Variants in ADGRB1 observed in about 807,000 individuals in gnomAD.
ADGRB1 encodes the protein brain-specific angiogenesis inhibitor 1.
In ADGRB1, 36 loss-of-function variants were observed where a neutral mutation model predicts 175.7. The ratio of observed to expected loss-of-function variants is 0.20; its 90% CI spans 0.16 to 0.27. The LOEUF (loss-of-function observed/expected upper bound fraction) is 0.27, where lower values mean the gene tolerates loss of function less well. Among genes scored for constraint, ADGRB1 ranks in the 10% least tolerant of loss-of-function variants. The pLI, the probability that ADGRB1 is intolerant of heterozygous loss-of-function variation, is 1.00. For missense variants in ADGRB1, 1,731 were observed against 2,255.3 expected (o/e 0.77, Z 4.71); for synonymous variants, 1,054 against 979.4 (o/e 1.08, Z -1.42).
intron 1 of ADGRB1, among the ~76,000 whole-genome samples, chr8:142,461,037 G>A (rs971445466): frequency 3.9e-5 from 6 of 152,222 alleles, no homozygotes; most frequent in South Asian, 4.1e-4. Flanking sequence ...AGGGGCGACC[G>A]GTGATACCAG....
Position 142,477,488 on chromosome 8 carries a change from G to C in ADGRB1, c.1326G>C (p.Gly442=). The stretch of plus-strand genomic sequence containing the variant: ...GCACCTGCAGGCCCCCCCAGTTTGG[G>C]GGCAACCCCTGTGAGGGCCCTGAGA... ...RTRTCRPPQF[G]GNPCEGPEKQ... The change falls in exon 6 of 31, where the codon GGG becomes GGC. Residue 442 remains glycine (G), a synonymous_variant. Transcript: ENST00000517894. 4 of 1,613,156 alleles carry C rather than the reference G, an allele frequency of 2.5e-6. No individual in the cohort carries two copies. The highest frequency in any genetic ancestry group is 3.4e-6 in the Non-Finnish European group (4 of 1,179,816).
chr8:142,456,643 G>T (rs529012073), intron 1 of ADGRB1, among the ~76,000 whole-genome samples: 1 of 152,246 alleles, frequency 6.6e-6, no homozygotes, highest in Admixed American at 6.5e-5. Flanking sequence ...TTGCACCGAG[G>T]CTGCTCACCT....
chr8:142,482,406 C>T (rs1333583261), intron 11 of ADGRB1, among the ~76,000 whole-genome samples: 1 of 146,822 alleles, frequency 6.8e-6, no homozygotes, highest in East Asian at 2.1e-4. Context: ...AGAACCCTGA[C>T]ACTGGTCACC....
chr8:142,476,362 G>A (rs929194037), intron 3 of ADGRB1, among the ~76,000 whole-genome samples: 1 of 152,178 alleles, frequency 6.6e-6, no homozygotes. Flanking sequence ...GGCGGTGGAG[G>A]CAGTGAGGGA....
rs577752659 is a variant in ADGRB1 at position 142,536,995 on chromosome 8, C to G, written c.3579C>G (p.Asp1193Glu). The part of the protein sequence containing the change: ...VHCILRREVQ[D>E]AVKCRVVDRQ... ...CGGCTCTCCCTCCCCAGGTCCAGGA[C>G]GCTGTGAAATGCCGTGTGGTTGACC... is the stretch of plus-strand genomic sequence containing the variant. The change falls in exon 26 of 31, where the codon GAC becomes GAG. Residue 1193 changes from aspartate (D) to glutamate (E), a missense_variant. Around this residue, in one of 8 missense-constraint regions of ADGRB1, gnomAD observed 301 missense variants for 488.4 expected, o/e 0.62. Transcript: ENST00000517894. 1.9e-6 allele frequency: 3 copies of G among 1,590,534 alleles called. No individual in the cohort carries two copies. Among genetic ancestry groups the G allele is most frequent in the Non-Finnish European group, 2.6e-6 (3 of 1,169,462 alleles).
chr8:142,469,130 CGTGTGTGCAT>C (rs1169984276), intron 2 of ADGRB1, among the ~76,000 whole-genome samples: 13 of 149,242 alleles, frequency 8.7e-5, no homozygotes, highest in African/African-American at 1.5e-4. Context: ...CAGAGCTGTG[CGTGTGTGCAT>C]GTGTGTGCAT....
intron 18 of ADGRB1, among the ~76,000 whole-genome samples, chr8:142,514,558 C>T (rs960082749): frequency 6.6e-6 from 1 of 152,170 alleles, no homozygotes. Context: ...TTGTTGTTGG[C>T]ATGACTTCTG....
At chr8:142,496,790 G>GT (rs1842237063) in intron 17 of ADGRB1, among the ~76,000 whole-genome samples, 2 of 152,132 alleles carry the variant, frequency 1.3e-5, no homozygotes, top group Admixed American at 1.3e-4. Context: ...CGTTTATGGG[G>GT]TGTTCTGCCA....
chr8:142,506,178 G>A lies in ADGRB1; in HGVS notation c.2676-4754G>A, dbSNP rs561533409. 1.2e-4 allele frequency among the ~76,000 whole-genome samples: 18 copies of A among 152,230 alleles called. 1 individual carries two copies. Among genetic ancestry groups the A allele is most frequent in the Admixed American group, 1.3e-4 (2 of 15,288 alleles). On this transcript the variant is annotated intron_variant, in intron 17 of 30. Transcript: ENST00000517894. ...GTTTCTTGGCACGGAGGTCCTTGGCGACCTTGGCAGGAGCCGAGTGGGAGG... is the reference window on the plus strand; with the variant it reads ...GTTTCTTGGCACGGAGGTCCTTGGCAACCTTGGCAGGAGCCGAGTGGGAGG...
intron 2 of ADGRB1, among the ~76,000 whole-genome samples, chr8:142,469,429 GTGAA>G (rs902591244): frequency 4.7e-5 from 7 of 147,584 alleles, no homozygotes; most frequent in African/African-American, 1.2e-4. Flanking sequence ...GTGTGCACGT[GTGAA>G]TGAGTGTGTG....
At chr8:142,459,773 T>C (rs1839874145) in intron 1 of ADGRB1, among the ~76,000 whole-genome samples, 1 of 152,132 alleles carries the variant, frequency 6.6e-6, no homozygotes, top group Admixed American at 6.5e-5. Context: ...CTTCTCCCCT[T>C]CCACATCTCA....
chr8:142,481,404 C>T (rs1841329282), intron 10 of ADGRB1, 44 bp downstream of exon 10: 2 of 1,607,236 alleles, frequency 1.2e-6, no homozygotes, highest in Admixed American at 3.3e-5. Flanking sequence ...CCCCAATCAC[C>T]CTGGCCACAC....
chr8:142,501,951 GGC>G (rs1842584725), intron 17 of ADGRB1, among the ~76,000 whole-genome samples: 1 of 145,590 alleles, frequency 6.9e-6, no homozygotes, highest in Non-Finnish European at 1.5e-5. Context: ...TGGTAGTGAT[GGC>G]TGTGTGGTTT....
In ADGRB1 at chr8:142,510,916, T is replaced by TTGCCCC; in HGVS notation, c.2676-16_2676-15insTGCCCC. On this transcript the variant is annotated splice_polypyrimidine_tract_variant and intron_variant, in intron 17 of 30. Coordinates refer to ENST00000517894, the MANE Select transcript of ADGRB1 (RefSeq NM_001702.3). The surrounding 1 kb of genome is among the most constrained non-coding windows in gnomAD (Gnocchi z 6.3). The stretch of plus-strand genomic sequence containing the variant: ...ACGCTCCGCCTGTCTCCCTCCCGTG[T>TTGCCCC]CCCGCCCGCCCCCAGACCCTCCTCC... 4 of 969,722 alleles carry TTGCCCC rather than the reference T, an allele frequency of 4.1e-6. No individual in the cohort carries two copies. The highest frequency in any genetic ancestry group is 3.8e-6 in the Non-Finnish European group (3 of 789,288). 60.1% of individuals were successfully genotyped at this position (969,722 alleles called of 1,614,324 possible). A position where few individuals can be genotyped will look rare whatever the true frequency, so the allele number is the denominator to read the frequency against.
Position 142,511,293 on chromosome 8 carries a change from TG to T in ADGRB1, c.2817+223del, listed in dbSNP as rs1212773791. Reference sequence around the variant, plus strand: ...GGCAGTGTGGAGTTGGAGACGGGCCTGGGAGGAGTCGGGACCCCCGGAAAGT... The same window carrying T: ...GGCAGTGTGGAGTTGGAGACGGGCCTGGAGGAGTCGGGACCCCCGGAAAGT... On this transcript the variant is annotated intron_variant, in intron 18 of 30. Coordinates refer to ENST00000517894, the MANE Select transcript of ADGRB1 (RefSeq NM_001702.3). This position sits in a 1 kb window ranked among gnomAD's most constrained non-coding sequence, Gnocchi z 4.5. 1.3e-5 allele frequency among the ~76,000 whole-genome samples: 2 copies of T among 151,714 alleles called. No individual in the cohort carries two copies. The highest frequency in any genetic ancestry group is 2.4e-5 in the African/African-American group (1 of 41,340).
At position 142,474,753 on chromosome 8, in the gene ADGRB1, A is replaced by C. The variant is rs1840856349; in HGVS notation, c.785-721A>C. Among the ~76,000 whole-genome samples the C allele has an allele frequency of 6.6e-6, 1 of 152,066 alleles. No homozygotes were observed. The highest frequency in any genetic ancestry group is 1.5e-5 in the Non-Finnish European group (1 of 67,998). On this transcript the variant is annotated intron_variant, in intron 2 of 30. Transcript: ENST00000517894. The surrounding 1 kb of genome is among the most constrained non-coding windows in gnomAD (Gnocchi z 5.8). Reference sequence around the variant, plus strand: ...TCGGGGCAGGGATGGAGAAAGACTCACTAGAGAAGCTGAACAGAGCGGCCG... The same window carrying C: ...TCGGGGCAGGGATGGAGAAAGACTCCCTAGAGAAGCTGAACAGAGCGGCCG...
rs1201935980 is a variant in ADGRB1 at position 142,464,427 on chromosome 8, C to G, written c.229C>G (p.Pro77Ala). The change falls in exon 2 of 31, where the codon CCG becomes GCG. Residue 77 changes from proline (P) to alanine (A), a missense_variant. Around this residue, in one of 8 missense-constraint regions of ADGRB1, gnomAD observed 383 missense variants for 383.1 expected, o/e 1.00. Transcript: ENST00000517894. ...CTCCTGGACGCTACGCAACCCGGACCCGCGGCGCTACACTCTCTACATGAA... is the reference window on the plus strand; with the variant it reads ...CTCCTGGACGCTACGCAACCCGGACGCGCGGCGCTACACTCTCTACATGAA... ...RCSWTLRNPD[P>A]RRYTLYMKVA... The G allele has an allele frequency of 4.5e-6, 7 of 1,558,758 alleles. No homozygotes were observed. The highest frequency in any genetic ancestry group is 6.1e-6 in the Non-Finnish European group (7 of 1,156,652).
At chr8:142,514,014 G>A (rs1843261259) in intron 18 of ADGRB1, among the ~76,000 whole-genome samples, 1 of 152,010 alleles carries the variant, frequency 6.6e-6, no homozygotes, top group African/African-American at 2.4e-5. Flanking sequence ...CAGCAGGAGT[G>A]AGGAGCGTGA....
intron 20 of ADGRB1, among the ~76,000 whole-genome samples, 177 bp from the exon 21 acceptor site, chr8:142,521,788 A>T (rs1843865543): frequency 6.6e-6 from 1 of 152,184 alleles, no homozygotes; most frequent in Non-Finnish European, 1.5e-5. Flanking sequence ...GATGGTCAAC[A>T]ATTCATCTCA....
Sources: allele counts gnomAD v4.1 joint callset (sites outside exome capture counted in the v4.1 genomes callset), GRCh38; gene constraint gnomAD v4.1.1; regional missense constraint gnomAD v4.1.1; non-coding constraint Gnocchi (gnomAD v3.1); transcripts MANE v1.5; gene names NCBI Gene and HGNC (gene_info 2026-07-23, HGNC 2026-07-21).